Variants in PTGER3 observed in about 807,000 individuals in gnomAD.
PTGER3 encodes the protein prostaglandin E2 receptor EP3 subtype.
In PTGER3, 22 loss-of-function variants were observed where a neutral mutation model predicts 34.7. The ratio of observed to expected loss-of-function variants is 0.63; its 90% CI spans 0.45 to 0.91. The LOEUF (loss-of-function observed/expected upper bound fraction) is 0.91. Among genes scored for constraint, PTGER3 ranks in the 40% least tolerant of loss-of-function variants. The probability of loss-of-function intolerance (pLI) is 0.00; values close to 1 mark genes in which losing one functional copy is unlikely to be tolerated. For synonymous variants in PTGER3, 241 were observed against 230.1 expected, an observed-to-expected ratio of 1.05 and a Z score of -0.43; for missense variants, 468 against 519.4, an observed-to-expected ratio of 0.90 and a Z score of 0.96.
chr1:70,974,458 T>A (rs1653483756), intron 2 of PTGER3, 70 bp from the exon 3 acceptor site: 1 of 752,094 alleles, frequency 1.3e-6, no homozygotes, highest in African/African-American at 1.7e-5. Flanking sequence ...AACCAAAACC[T>A]GCATATCAAA....
chr1:71,031,532 C>T (rs1371779110), intron 1 of PTGER3, among the ~76,000 whole-genome samples: 1 of 152,172 alleles, frequency 6.6e-6, no homozygotes, highest in Admixed American at 6.5e-5. Context: ...ACCCAAGCTA[C>T]AGCAGTCAGG....
chr1:70,860,709 A>G (rs1242460631), intron 4 of PTGER3, among the ~76,000 whole-genome samples: 1 of 152,166 alleles, frequency 6.6e-6, no homozygotes, highest in Non-Finnish European at 1.5e-5. Flanking sequence ...CCTACCAATA[A>G]TGTTATGTGA....
At chr1:71,040,889 T>C (rs1198754372) in intron 1 of PTGER3, among the ~76,000 whole-genome samples, 3 of 152,196 alleles carry the variant, frequency 2.0e-5, no homozygotes, top group Non-Finnish European at 4.4e-5. Context: ...ACTTGAGATC[T>C]TAGCCAATCC....
chr1:70,994,815 G>A (rs1208588156), intron 2 of PTGER3, among the ~76,000 whole-genome samples: 1 of 151,938 alleles, frequency 6.6e-6, no homozygotes, highest in East Asian at 1.9e-4. Flanking sequence ...TTTTTTATTT[G>A]TACTATTTTT....
intron 2 of PTGER3, among the ~76,000 whole-genome samples, chr1:71,005,429 C>T (rs1350426087): frequency 6.6e-6 from 1 of 152,182 alleles, no homozygotes; most frequent in Non-Finnish European, 1.5e-5. Flanking sequence ...GGATTAAATG[C>T]CACCTTCTAC....
chr1:70,998,386 A>C (rs1177554242), intron 2 of PTGER3: 1 of 152,226 alleles, frequency 6.6e-6, no homozygotes, highest in Non-Finnish European at 1.5e-5. Context: ...TCCTAAATGC[A>C]ATCAGTGAAA....
chr1:71,030,391 C>T, intron 1 of PTGER3, among the ~76,000 whole-genome samples: 1 of 152,190 alleles, frequency 6.6e-6, no homozygotes, highest in South Asian at 2.1e-4. Context: ...GGCTTTAGAA[C>T]TGTCAAAACA....
At chr1:70,855,540 C>T (rs897376353) in intron 4 of PTGER3, among the ~76,000 whole-genome samples, 19 of 151,284 alleles carry the variant, frequency 1.3e-4, no homozygotes, top group South Asian at 2.1e-4. Flanking sequence ...TCTGTGAACG[C>T]GACAAAATAT....
intron 2 of PTGER3, among the ~76,000 whole-genome samples, chr1:70,959,486 G>A (rs914963779): frequency 4.6e-5 from 7 of 151,752 alleles, no homozygotes; most frequent in African/African-American, 1.2e-4. Flanking sequence ...TCAGCTTTCC[G>A]AGTAGCTAGG....
chr1:71,015,902 C>T (rs1392776868), intron 1 of PTGER3, among the ~76,000 whole-genome samples: 2 of 152,058 alleles, frequency 1.3e-5, no homozygotes, highest in Non-Finnish European at 2.9e-5. Flanking sequence ...CCAGTTTTGG[C>T]TTATAAGGCA....
intron 4 of PTGER3, among the ~76,000 whole-genome samples, chr1:70,877,881 T>C (rs1305712562): frequency 1.3e-5 from 2 of 152,188 alleles, no homozygotes; most frequent in Non-Finnish European, 1.5e-5. Flanking sequence ...TTATCTATGT[T>C]CATCAAGGAC....
intron 1 of PTGER3, among the ~76,000 whole-genome samples, chr1:71,038,541 T>C (rs1660021002): frequency 6.6e-6 from 1 of 152,262 alleles, no homozygotes; most frequent in South Asian, 2.1e-4. Flanking sequence ...TTTAGATCGA[T>C]GATCCTTCAA....
Position 70,916,532 on chromosome 1 carries a change from A to T in PTGER3, c.*23+37231T>A, listed in dbSNP as rs554005001. Among the ~76,000 whole-genome samples, 15 of 152,216 alleles carry T rather than the reference A, an allele frequency of 9.9e-5. No individual in the cohort carries two copies. The South Asian group carries it at 1.2e-3, about 13-fold the overall frequency. ...TAAGAAAATGTGATACATATATACCATAAGATACGACACAGCCATAAAAAA... is the reference window on the plus strand; with the variant it reads ...TAAGAAAATGTGATACATATATACCTTAAGATACGACACAGCCATAAAAAA... On this transcript the variant is annotated intron_variant, in intron 4 of 4. Transcript: ENST00000370931.
At chr1:70,952,297 G>A (rs980944913), downstream of PTGER3, 1 of 479,444 alleles carries the variant, frequency 2.1e-6, no homozygotes, top group African/African-American at 2.1e-5. Flanking sequence ...CTTGTAGTAA[G>A]TAACTTCGTG....
At chr1:70,964,457 CAGG>C (rs1459211714) in intron 2 of PTGER3, among the ~76,000 whole-genome samples, 3 of 152,156 alleles carry the variant, frequency 2.0e-5, no homozygotes, top group Non-Finnish European at 4.4e-5. Context: ...ACAATCATGG[CAGG>C]AGGTGAATGA....
At chr1:71,023,304 G>A (rs185376861) in intron 1 of PTGER3, among the ~76,000 whole-genome samples, 3 of 151,788 alleles carry the variant, frequency 2.0e-5, no homozygotes, top group African/African-American at 7.3e-5. Flanking sequence ...CCTAATATTC[G>A]AGTCACCATT....
rs1657514223 is a variant in PTGER3 at position 71,012,300 on chromosome 1, G to C, written c.1077+5C>G. ...ATTAGAGCAGCTGGAGACAGCATTT[G>C]CTACCTGGCAAAACTTTCGAAGAAG... is the stretch of plus-strand genomic sequence containing the variant. On this transcript the variant is annotated splice_donor_5th_base_variant and intron_variant, in intron 2 of 3. Transcript: ENST00000306666. 2.5e-6 allele frequency: 4 copies of C among 1,614,006 alleles called. No individual in the cohort carries two copies. The highest frequency in any genetic ancestry group is 1.3e-5 in the African/African-American group (1 of 74,928).
chr1:70,852,498 A>G (rs1645702932), exon 5 of PTGER3: 1 of 339,044 alleles, frequency 2.9e-6, no homozygotes, highest in Admixed American at 4.9e-5. Flanking sequence ...GGTTAAAATT[A>G]ACGATTTAGA....
intron 1 of PTGER3, among the ~76,000 whole-genome samples, chr1:71,046,209 C>A (rs1660778892): frequency 6.9e-6 from 1 of 145,728 alleles, no homozygotes; most frequent in African/African-American, 2.6e-5. Context: ...TGGCGTGAAC[C>A]CGGGAGGCGG....
Sources: allele counts gnomAD v4.1 joint callset (sites outside exome capture counted in the v4.1 genomes callset), GRCh38; gene constraint gnomAD v4.1.1; transcripts MANE v1.5; gene names NCBI Gene and HGNC (gene_info 2026-07-23, HGNC 2026-07-21).